EXPH5: variants seen among roughly 807,000 people sequenced by gnomAD.
EXPH5 encodes exophilin-5.
In EXPH5, 42 loss-of-function variants were observed where a neutral mutation model predicts 41.1. The observed-to-expected ratio is 1.02, with a 90% CI of 0.80 to 1.32. The LOEUF (loss-of-function observed/expected upper bound fraction) is 1.32, where lower values mean the gene tolerates loss of function less well. EXPH5 is among the 40% of genes most tolerant of loss of function. EXPH5 has a pLI of 0.00. For missense variants in EXPH5, 2,298 were observed against 2,314.5 expected (o/e 0.99, Z 0.15); for synonymous variants, 798 against 833.5 (o/e 0.96, Z 0.73).
intron 1 of EXPH5, 148 bp from the exon 2 acceptor site, chr11:108,541,960 C>A (rs1591716358): frequency 3.3e-6 from 2 of 599,322 alleles, no homozygotes; most frequent in Non-Finnish European, 5.6e-6. Flanking sequence ...TCACTGCAAC[C>A]TTCACCTCCT....
chr11:108,572,952 G>T (rs560064704), intron 1 of EXPH5, among the ~76,000 whole-genome samples: 11 of 151,768 alleles, frequency 7.2e-5, no homozygotes, highest in Admixed American at 2.6e-4. Context: ...CGGGCTGCTC[G>T]TGTCTGTAAT....
At chr11:108,522,537 A>G (rs1449959623) in intron 4 of EXPH5, among the ~76,000 whole-genome samples, 1 of 152,150 alleles carries the variant, frequency 6.6e-6, no homozygotes, top group African/African-American at 2.4e-5. Context: ...TCCAGAGCCA[A>G]TGCTGAAATA....
rs746668109 is a variant in EXPH5 at position 108,512,273 on chromosome 11, C to T, written c.3234G>A (p.Ala1078=). ...NKFSPSSPES[A]NECSKVLSDS... The stretch of plus-strand genomic sequence containing the variant: ...CTGAAAGGACTTTGGAACATTCATT[C>T]GCTGACTCAGGAGAACTGGGACTAA... The change falls in exon 6 of 6, where the codon GCG becomes GCA. Residue 1078 remains alanine (A), a synonymous_variant. Transcript: ENST00000265843. 43 of 1,612,926 alleles carry T rather than the reference C, an allele frequency of 2.7e-5. No individual in the cohort carries two copies. The highest frequency in any genetic ancestry group is 3.2e-5 in the Non-Finnish European group (38 of 1,179,692).
chr11:108,580,422 A>T (rs1208393195), intron 1 of EXPH5, among the ~76,000 whole-genome samples: 3 of 152,132 alleles, frequency 2.0e-5, no homozygotes. Context: ...GCTGGTGAGG[A>T]TGTGGAGAAA....
At chr11:108,552,207 T>C (rs1034606655) in intron 1 of EXPH5, 1 of 152,144 alleles carries the variant, frequency 6.6e-6, no homozygotes, top group Admixed American at 6.5e-5. Context: ...AGCTTTATCA[T>C]CCGGGGCCTG....
At position 108,511,267 on chromosome 11, in the gene EXPH5, G is replaced by C; in HGVS notation, c.4240C>G (p.Gln1414Glu). Reference sequence around the variant, plus strand: ...CTGTTACTTGAATTAATGGATTGTTGACAATTTTCAGATTTTTCTTCGGAT... The same window carrying C: ...CTGTTACTTGAATTAATGGATTGTTCACAATTTTCAGATTTTTCTTCGGAT... The part of the protein sequence containing the change: ...NVSEEKSENC[Q>E]QSINSSNSGP... The change falls in exon 6 of 6, where the codon CAA becomes GAA. Residue 1414 changes from glutamine to glutamate, a missense_variant. Coordinates refer to ENST00000265843, the MANE Select transcript of EXPH5 (RefSeq NM_015065.3). 6.2e-7 allele frequency: 1 copy of C among 1,607,374 alleles called. No homozygotes were observed. Among genetic ancestry groups the C allele is most frequent in the Non-Finnish European group, 8.5e-7 (1 of 1,178,388 alleles).
At chr11:108,576,037 T>G (rs1259180730) in intron 1 of EXPH5, among the ~76,000 whole-genome samples, 1 of 152,196 alleles carries the variant, frequency 6.6e-6, no homozygotes, top group East Asian at 1.9e-4. Context: ...AAGTTAAACA[T>G]AGAATTACCA....
chr11:108,517,830 C>T (rs565054270), intron 5 of EXPH5, among the ~76,000 whole-genome samples: 24 of 151,908 alleles, frequency 1.6e-4, no homozygotes, highest in Admixed American at 3.9e-4. Context: ...ATGATCTCGG[C>T]TCATTGCAAC....
At chr11:108,529,812 C>T (rs2093825331) in intron 3 of EXPH5, among the ~76,000 whole-genome samples, 1 of 151,164 alleles carries the variant, frequency 6.6e-6, no homozygotes, top group South Asian at 2.1e-4. Flanking sequence ...CCATTGCACT[C>T]CAGCCTGGGT....
chr11:108,605,532 G>A, the EXPH5 span, among the ~76,000 whole-genome samples: 1 of 152,098 alleles, frequency 6.6e-6, no homozygotes, highest in Middle Eastern at 3.2e-3. Flanking sequence ...GCAGAGATGC[G>A]GCTAAATATC....
At chr11:108,560,986 G>T (rs1347987203) in intron 1 of EXPH5, among the ~76,000 whole-genome samples, 1 of 152,080 alleles carries the variant, frequency 6.6e-6, no homozygotes, top group Non-Finnish European at 1.5e-5. Context: ...TGAGTTTTTG[G>T]AGAGAAGGCC....
At chr11:108,573,472 C>A (rs1287665911) in intron 1 of EXPH5, among the ~76,000 whole-genome samples, 1 of 152,186 alleles carries the variant, frequency 6.6e-6, no homozygotes, top group African/African-American at 2.4e-5. Context: ...TAACAACAAT[C>A]ACACTTCTCT....
intron 2 of EXPH5, 133 bp downstream of exon 2, chr11:108,541,519 A>G: frequency 1.8e-6 from 1 of 562,234 alleles, no homozygotes; most frequent in Non-Finnish European, 3.0e-6. Flanking sequence ...TGTATTATAA[A>G]CTTTTGTGGC....
Position 108,510,858 on chromosome 11 carries a change from G to A in EXPH5, c.4649C>T (p.Thr1550Ile). 6.2e-7 allele frequency: 1 copy of A among 1,614,106 alleles called. No individual in the cohort carries two copies. Among genetic ancestry groups the A allele is most frequent in the African/African-American group, 1.3e-5 (1 of 75,030 alleles). Residue 1550 changes from threonine to isoleucine, a missense_variant, in exon 6 of 6, where the codon ACA (threonine) becomes ATA (isoleucine). Transcript: ENST00000265843. Reference sequence around the variant, plus strand: ...TTCATCTTCAGCCTTCCTGCTCTCTGTCATATTTGCCTCCTGACTTCTTTG... The same window carrying A: ...TTCATCTTCAGCCTTCCTGCTCTCTATCATATTTGCCTCCTGACTTCTTTG... The part of the protein sequence containing the change: ...LPQRSQEANM[T>I]ESRKAEDEMQ...
At chr11:108,577,537 C>G (rs552169059) in intron 1 of EXPH5, among the ~76,000 whole-genome samples, 1 of 152,006 alleles carries the variant, frequency 6.6e-6, no homozygotes, top group Non-Finnish European at 1.5e-5. Flanking sequence ...GATTCTCCTG[C>G]CTCAGCCTCC....
In EXPH5 at chr11:108,508,062, C is replaced by T. The variant is rs2093654163; in HGVS notation, c.*1475G>A. The T allele has an allele frequency of 6.7e-6, 1 of 150,102 alleles. No individual in the cohort carries two copies. Among genetic ancestry groups the T allele is most frequent in the African/African-American group, 2.5e-5 (1 of 40,442 alleles). The allele number at this position is 150,102 out of a possible 1,614,324, so 9.3% of individuals were successfully genotyped here. A position where few individuals can be genotyped will look rare whatever the true frequency, so the allele number is the denominator to read the frequency against. On this transcript the variant is annotated 3_prime_UTR_variant, in exon 6 of 6. Coordinates refer to ENST00000265843, the MANE Select transcript of EXPH5 (RefSeq NM_015065.3). ...GGTGTGGTGGTGGGTGCCTGTAGTC[C>T]CAGCTACTTGGGAGGCTGAGGCAGG...
intron 1 of EXPH5, among the ~76,000 whole-genome samples, chr11:108,546,208 C>T (rs1376475020): frequency 6.6e-6 from 1 of 151,940 alleles, no homozygotes; most frequent in East Asian, 1.9e-4. Context: ...GATAACGTAG[C>T]ATTAGGCGTA....
At chr11:108,541,189 G>A (rs1166280679) in intron 2 of EXPH5, among the ~76,000 whole-genome samples, 1 of 152,130 alleles carries the variant, frequency 6.6e-6, no homozygotes, top group Non-Finnish European at 1.5e-5. Context: ...GCAAGTGTGA[G>A]CCACCCCCGA....
At chr11:108,573,069 TA>T (rs2094066216) in intron 1 of EXPH5, among the ~76,000 whole-genome samples, 1 of 53,052 alleles carries the variant, frequency 1.9e-5, no homozygotes, top group Non-Finnish European at 4.1e-5. Flanking sequence ...TTGAAAAAAA[TA>T]AGAGAGAGAG....
Sources: gnomAD v4.1 joint callset for allele counts (sites outside exome capture counted in the v4.1 genomes callset) on GRCh38, gnomAD v4.1.1 for gene constraint, MANE v1.5 for transcripts, NCBI Gene and HGNC (gene_info 2026-07-23, HGNC 2026-07-21) for gene names.